The following SUV39H2 variants were observed in gnomAD, a reference collection of about 807,000 sequenced individuals.
SUV39H2 encodes the protein histone-lysine N-methyltransferase SUV39H2.
A neutral mutation model predicts 47.5 loss-of-function variants in SUV39H2; 10 were observed. The observed-to-expected ratio is 0.21, with a 90% CI of 0.13 to 0.36. The LOEUF is 0.36. Among genes scored for constraint, SUV39H2 ranks in the 10% least tolerant of loss-of-function variants. The probability of loss-of-function intolerance (pLI) is 1.00; values close to 1 mark genes in which losing one functional copy is unlikely to be tolerated. For missense variants in SUV39H2, 266 were observed against 487.4 expected (o/e 0.55, Z 4.28); for synonymous variants, 159 against 166.8 (o/e 0.95, Z 0.36).
chr10:14,878,981 C>A (rs1300057906), intron 1 of SUV39H2, 62 bp downstream of exon 1: 2 of 1,353,192 alleles, frequency 1.5e-6, no homozygotes, highest in Admixed American at 3.9e-5. Flanking sequence ...AAGGCCCGGG[C>A]GGCGGGGCCG....
intron 2 of SUV39H2, among the ~76,000 whole-genome samples, chr10:14,883,071 GT>G (rs1488133353): frequency 1.3e-5 from 2 of 151,992 alleles, no homozygotes; most frequent in African/African-American, 2.4e-5. Context: ...GTTTCACCAT[GT>G]TGGCCAGGCT....
rs1437566196 is a variant in SUV39H2, at chr10:14,902,415, A to G, written c.1136A>G (p.Asp379Gly). The change falls in exon 6 of 6, where the codon GAT (aspartate) becomes GGT (glycine). Residue 379 changes from aspartate (D) to glycine (G), a missense_variant. Asp to Gly is a moderately conservative substitution (Grantham distance 94). This residue lies in a region of SUV39H2 where 112 missense variants were observed against 271.9 expected (regional missense o/e 0.41). Transcript: ENST00000354919. ...TTTTCTGTGTCTTCAGGTTCTGGAG[A>G]TATATCTTCAGATTCTATTGACCAC... ...TFDYQMKGSG[D>G]ISSDSIDHSP... 1.2e-6 allele frequency: 2 copies of G among 1,606,820 alleles called. No individual in the cohort carries two copies. Among genetic ancestry groups the G allele is most frequent in the East Asian group, 2.2e-5 (1 of 44,738 alleles).
In SUV39H2 at chr10:14,904,092, G is replaced by A. The variant is rs1022634417; in HGVS notation, c.*1580G>A. On this transcript the variant is annotated 3_prime_UTR_variant, in exon 6 of 6. Coordinates refer to ENST00000354919, the MANE Select transcript of SUV39H2 (RefSeq NM_001193424.2). ...GGCTGAGGTAGGAGGATCACGTGAG[G>A]TCGGGAGTTCAAGACCAGCCTGGCC... 2.6e-5 allele frequency: 4 copies of A among 152,146 alleles called. No homozygotes were observed. Among genetic ancestry groups the A allele is most frequent in the African/African-American group, 4.8e-5 (2 of 41,396 alleles). 9.4% of individuals were successfully genotyped at this position (152,146 alleles called of 1,614,324 possible). A position where few individuals can be genotyped will look rare whatever the true frequency, so the allele number is the denominator to read the frequency against.
chr10:14,893,138 G>A (rs940502872), intron 2 of SUV39H2, among the ~76,000 whole-genome samples: 1 of 151,338 alleles, frequency 6.6e-6, no homozygotes, highest in African/African-American at 2.4e-5. Context: ...CGAGTAGCTG[G>A]GACTACAGGC....
intron 2 of SUV39H2, among the ~76,000 whole-genome samples, chr10:14,892,578 C>A (rs566137939): frequency 1.3e-5 from 2 of 152,242 alleles, no homozygotes; most frequent in African/African-American, 4.8e-5. Flanking sequence ...GTACTGCTTT[C>A]TGTCTTCCCT....
In SUV39H2 at chr10:14,881,578, T is replaced by C; in HGVS notation, c.110T>C (p.Ile37Thr). The C allele has an allele frequency of 1.2e-6, 2 of 1,605,506 alleles. No individual in the cohort carries two copies. Among genetic ancestry groups the C allele is most frequent in the Non-Finnish European group, 1.7e-6 (2 of 1,177,510 alleles). Reference sequence around the variant, plus strand: ...AAAGAAAAGCTCACATGTAAATCGATTGGAATCACCAAAAGGAATCTAAAC... The same window carrying C: ...AAAGAAAAGCTCACATGTAAATCGACTGGAATCACCAAAAGGAATCTAAAC... ...CRKEKLTCKS[I>T]GITKRNLNNY... is the part of the protein sequence containing the mutation. Residue 37 changes from isoleucine (I) to threonine (T), a missense_variant, in exon 2 of 6, where the codon ATT becomes ACT. Physicochemically the swap from Ile to Thr is moderately conservative, Grantham distance 89 (BLOSUM62 -1). Coordinates refer to ENST00000354919, the MANE Select transcript of SUV39H2 (RefSeq NM_001193424.2).
intron 2 of SUV39H2, among the ~76,000 whole-genome samples, chr10:14,881,911 C>G (rs905031699): frequency 6.6e-6 from 1 of 152,202 alleles, no homozygotes; most frequent in African/African-American, 2.4e-5. Context: ...GTTACCAGAG[C>G]AAATGTTTGA....
At chr10:14,886,043 T>C (rs1456367790) in intron 2 of SUV39H2, among the ~76,000 whole-genome samples, 4 of 152,244 alleles carry the variant, frequency 2.6e-5, no homozygotes, top group African/African-American at 4.8e-5. Context: ...TCTTGTCATA[T>C]ATCCTATTTT....
chr10:14,897,676 A>C (rs1833680523), intron 3 of SUV39H2, 159 bp downstream of exon 3: 4 of 563,438 alleles, frequency 7.1e-6, no homozygotes, highest in African/African-American at 1.9e-5. Flanking sequence ...GTTCACTGGC[A>C]TATTTAGAAA....
chr10:14,881,511 C>A lies in SUV39H2; in HGVS notation c.43C>A (p.Pro15Thr), dbSNP rs1406036945. 6.4e-7 allele frequency: 1 copy of A among 1,559,198 alleles called. No homozygotes were observed. Among genetic ancestry groups the A allele is most frequent in the East Asian group, 2.4e-5 (1 of 42,118 alleles). The stretch of plus-strand genomic sequence containing the variant: ...TTTTCTTATTGTAGCTTGGTGTGTG[C>A]CTTGCCTAGTTTCACTTGATACTCT... ...GAEARGAWCVPCLVSLDTLQE... is the reference protein window; with the variant it reads ...GAEARGAWCVTCLVSLDTLQE... The change falls in exon 2 of 6, where the codon CCT (proline) becomes ACT (threonine). Residue 15 changes from proline to threonine, a missense_variant. Pro to Thr is a conservative substitution (Grantham distance 38). Coordinates refer to ENST00000354919, the MANE Select transcript of SUV39H2 (RefSeq NM_001193424.2).
At chr10:14,896,752 AT>A (rs1196339393) in intron 2 of SUV39H2, 93 bp from the exon 3 acceptor site, 3 of 1,057,006 alleles carry the variant, frequency 2.8e-6, no homozygotes, top group Non-Finnish European at 4.1e-6. Flanking sequence ...GAAAAATGGT[AT>A]TGGATACCTT....
chr10:14,899,301 CAG>C (rs1393696221), intron 3 of SUV39H2: 1 of 698,046 alleles, frequency 1.4e-6, no homozygotes, highest in African/African-American at 1.8e-5. Context: ...GCCTGAGTGA[CAG>C]AGTGAGACCC....
intron 2 of SUV39H2, among the ~76,000 whole-genome samples, chr10:14,896,428 G>A (rs748875768): frequency 4.6e-5 from 7 of 152,148 alleles, no homozygotes; most frequent in African/African-American, 1.7e-4. Context: ...AGTTATGGAC[G>A]TTAAGAATGC....
At position 14,892,845 on chromosome 10, in the gene SUV39H2, C is replaced by T. The variant is rs545984870; in HGVS notation, c.178-4001C>T. Among the ~76,000 whole-genome samples the T allele has an allele frequency of 2.6e-3, 380 of 148,910 alleles. 1 individual carries two copies. The highest frequency in any genetic ancestry group is 8.7e-3 in the African/African-American group (353 of 40,380). ...TTTTTTTTTTTTGGAGACGGGGTCT[C>T]GCGCTGTCACTCAGACTGGGCTGGA... On this transcript the variant is annotated intron_variant, in intron 2 of 5. Transcript: ENST00000354919.
At chr10:14,899,454 A>T in intron 3 of SUV39H2, 85 bp from the exon 4 acceptor site, 1 of 1,386,230 alleles carries the variant, frequency 7.2e-7, no homozygotes, top group South Asian at 1.3e-5. Context: ...AAATATTTGT[A>T]GGTATTCGCA....
Position 14,892,441 on chromosome 10 carries a change from A to G in SUV39H2, c.178-4405A>G, listed in dbSNP as rs59243367. Among the ~76,000 whole-genome samples the G allele has an allele frequency of 1.0e-3, 157 of 152,330 alleles. 3 individuals are homozygous for G. The East Asian group carries it at 0.027, about 26-fold the overall frequency. On this transcript the variant is annotated intron_variant, in intron 2 of 5. Transcript: ENST00000354919. Reference sequence around the variant, plus strand: ...TCAACATTCCGAACCTTAAAGCTAGACAGATCCATCTTTTCACTATTTTTT... The same window carrying G: ...TCAACATTCCGAACCTTAAAGCTAGGCAGATCCATCTTTTCACTATTTTTT...
intron 2 of SUV39H2, among the ~76,000 whole-genome samples, chr10:14,891,038 C>T (rs1833373344): frequency 6.6e-6 from 1 of 152,180 alleles, no homozygotes; most frequent in South Asian, 2.1e-4. Flanking sequence ...AAGATTCCAT[C>T]CCTTCCCGCA....
intron 2 of SUV39H2, among the ~76,000 whole-genome samples, chr10:14,886,928 T>C (rs1215615580): frequency 1.3e-5 from 2 of 152,202 alleles, no homozygotes; most frequent in Admixed American, 6.5e-5. Flanking sequence ...AGCATTGTAA[T>C]TGACTAGGGC....
chr10:14,895,847 G>A (rs1833568153), intron 2 of SUV39H2, among the ~76,000 whole-genome samples: 1 of 150,766 alleles, frequency 6.6e-6, no homozygotes, highest in African/African-American at 2.4e-5. Context: ...ATTTCAACCT[G>A]TAATAGTTTT....
Sources: gnomAD v4.1 joint callset for allele counts (sites outside exome capture counted in the v4.1 genomes callset) on GRCh38, gnomAD v4.1.1 for gene constraint, gnomAD v4.1.1 regional missense constraint, MANE v1.5 for transcripts, NCBI Gene and HGNC (gene_info 2026-07-23, HGNC 2026-07-21) for gene names.